Variants in SGMS1 observed in about 807,000 individuals in gnomAD.
SGMS1 encodes the protein phosphatidylcholine:ceramide cholinephosphotransferase 1.
Under a neutral mutation model 46.2 loss-of-function variants are expected in SGMS1, and 13 were observed. The ratio of observed to expected loss-of-function variants is 0.28; its 90% confidence interval spans 0.18 to 0.45. The LOEUF is 0.45. SGMS1 is among the 20% of genes least tolerant of loss of function. The probability of loss-of-function intolerance (pLI) is 1.00; values close to 1 mark genes in which losing one functional copy is unlikely to be tolerated. For synonymous variants in SGMS1, 203 were observed against 187.8 expected, an observed-to-expected ratio of 1.08 and a Z score of -0.66; for missense variants, 324 against 519.9, an observed-to-expected ratio of 0.62 and a Z score of 3.66.
At chr10:50,557,626 G>A (rs1838199184) in intron 2 of SGMS1, among the ~76,000 whole-genome samples, 1 of 125,472 alleles carries the variant, frequency 8.0e-6, no homozygotes, top group Admixed American at 8.2e-5. Flanking sequence ...AAATGTTGTA[G>A]AAATTAGAAC....
At chr10:50,372,795 A>G (rs1848461433) in intron 6 of SGMS1, among the ~76,000 whole-genome samples, 1 of 152,216 alleles carries the variant, frequency 6.6e-6, no homozygotes. Context: ...AGGAGGAGAA[A>G]AAATCAGTGA....
At chr10:50,466,455 A>C (rs1356309304) in intron 4 of SGMS1, among the ~76,000 whole-genome samples, 1 of 152,192 alleles carries the variant, frequency 6.6e-6, no homozygotes, top group East Asian at 1.9e-4. Context: ...AACATTATGC[A>C]AATGATTACT....
At chr10:50,450,256 G>C (rs993263289) in intron 5 of SGMS1, among the ~76,000 whole-genome samples, 1 of 152,158 alleles carries the variant, frequency 6.6e-6, no homozygotes, top group Non-Finnish European at 1.5e-5. Flanking sequence ...AAACAAAGTG[G>C]AAGAGAGGAG....
At chr10:50,526,572 T>C (rs1029416091) in intron 2 of SGMS1, among the ~76,000 whole-genome samples, 10 of 152,112 alleles carry the variant, frequency 6.6e-5, no homozygotes, top group Admixed American at 6.6e-4. Context: ...CTTTATGAGG[T>C]TTGAGAAAGG....
chr10:50,308,217 T>C, intron 9 of SGMS1, 69 bp from the exon 10 acceptor site: 1 of 1,376,198 alleles, frequency 7.3e-7, no homozygotes, highest in Non-Finnish European at 1.0e-6. Context: ...ACTATGCCTC[T>C]ACTAATGCTT....
chr10:50,558,696 TTCC>T (rs747178244), intron 2 of SGMS1, among the ~76,000 whole-genome samples: 4 of 151,904 alleles, frequency 2.6e-5, no homozygotes, highest in African/African-American at 9.7e-5. Context: ...ACAGCAAACT[TTCC>T]TCCTCCTCCT....
chr10:50,345,909 G>A (rs1847905979), intron 6 of SGMS1, among the ~76,000 whole-genome samples: 1 of 152,098 alleles, frequency 6.6e-6, no homozygotes, highest in East Asian at 1.9e-4. Flanking sequence ...CTTAATGATG[G>A]TTCTGTAGGT....
intron 6 of SGMS1, among the ~76,000 whole-genome samples, chr10:50,380,089 A>G (rs182219339): frequency 4.6e-5 from 7 of 152,214 alleles, no homozygotes; most frequent in African/African-American, 1.7e-4. Context: ...ACTTTTAAAA[A>G]TCCTCCCTTG....
intron 2 of SGMS1, among the ~76,000 whole-genome samples, chr10:50,544,259 G>A (rs778293014): frequency 6.6e-6 from 1 of 152,142 alleles, no homozygotes; most frequent in African/African-American, 2.4e-5. Flanking sequence ...CACAGATGAG[G>A]AAACTGAAGC....
intron 8 of SGMS1, among the ~76,000 whole-genome samples, chr10:50,324,280 C>T (rs1266930258): frequency 6.6e-6 from 1 of 152,154 alleles, no homozygotes; most frequent in Non-Finnish European, 1.5e-5. Flanking sequence ...CTGTCTTAAC[C>T]TTAACTTTAG....
intron 3 of SGMS1, among the ~76,000 whole-genome samples, chr10:50,497,899 G>A (rs1837629400): frequency 6.6e-6 from 1 of 152,146 alleles, no homozygotes; most frequent in South Asian, 2.1e-4. Flanking sequence ...TTCAGTTAGA[G>A]GTTTCACTTT....
At chr10:50,369,794 G>T (rs1260506315) in intron 6 of SGMS1, among the ~76,000 whole-genome samples, 3 of 152,100 alleles carry the variant, frequency 2.0e-5, no homozygotes, top group African/African-American at 7.2e-5. Flanking sequence ...GTCACTTCAC[G>T]ACGAGATACC....
chr10:50,615,287 C>G (rs1441874735), intron 1 of SGMS1, among the ~76,000 whole-genome samples: 1 of 152,192 alleles, frequency 6.6e-6, no homozygotes, highest in South Asian at 2.1e-4. Context: ...GGCATAAAGC[C>G]TCACACACCT....
chr10:50,363,181 T>A (rs1167109089), intron 6 of SGMS1, among the ~76,000 whole-genome samples: 1 of 152,018 alleles, frequency 6.6e-6, no homozygotes, highest in Non-Finnish European at 1.5e-5. Context: ...TTTTCTTTTT[T>A]AAAAAAAGGG....
At chr10:50,400,133 C>G (rs1204267733) in intron 6 of SGMS1, among the ~76,000 whole-genome samples, 1 of 151,266 alleles carries the variant, frequency 6.6e-6, no homozygotes, top group Non-Finnish European at 1.5e-5. Context: ...TGTTCATGTT[C>G]TTTTCATATA....
Position 50,623,907 on chromosome 10 carries a change from G to C in SGMS1, c.-884C>G, listed in dbSNP as rs1426039816. 1.0e-6 allele frequency: 1 copy of C among 986,948 alleles called. No individual in the cohort carries two copies. Among genetic ancestry groups the C allele is most frequent in the Admixed American group, 6.1e-5 (1 of 16,298 alleles). 61.1% of individuals were successfully genotyped at this position (986,948 alleles called of 1,614,324 possible). A position where few individuals can be genotyped will look rare whatever the true frequency, so the allele number is the denominator to read the frequency against. On this transcript the variant is annotated 5_prime_UTR_variant, in exon 1 of 11. Coordinates refer to ENST00000361781, the MANE Select transcript of SGMS1 (RefSeq NM_147156.4). ...CCGCCGCCTGCCGCCCGCAGCCGCTGCCCCGCTGGTGCGAACGCTTTCGAC... is the reference window on the plus strand; with the variant it reads ...CCGCCGCCTGCCGCCCGCAGCCGCTCCCCCGCTGGTGCGAACGCTTTCGAC...
chr10:50,581,112 T>C (rs1047404375), intron 2 of SGMS1, among the ~76,000 whole-genome samples: 8 of 152,182 alleles, frequency 5.3e-5, no homozygotes, highest in African/African-American at 1.9e-4. Context: ...AGTTCAAAAA[T>C]ATTCTCAGTT....
intron 5 of SGMS1, among the ~76,000 whole-genome samples, chr10:50,449,039 G>A (rs939542186): frequency 2.0e-5 from 3 of 152,074 alleles, no homozygotes; most frequent in African/African-American, 7.2e-5. Flanking sequence ...ATTTTTTTAG[G>A]TCTTTAAATC....
chr10:50,554,530 T>G (rs1838174580), intron 2 of SGMS1, among the ~76,000 whole-genome samples: 1 of 152,152 alleles, frequency 6.6e-6, no homozygotes, highest in Non-Finnish European at 1.5e-5. Context: ...TCCCTGCTAG[T>G]GCAAGTGGGA....
Sources: allele counts gnomAD v4.1 joint callset (sites outside exome capture counted in the v4.1 genomes callset), GRCh38; gene constraint gnomAD v4.1.1; transcripts MANE v1.5; gene names NCBI Gene and HGNC (gene_info 2026-07-23, HGNC 2026-07-21).